EXD2: variants seen among roughly 807,000 people sequenced by gnomAD.
The protein encoded by EXD2 is exonuclease 3'-5' domain-containing protein 2.
Under a neutral mutation model 62.5 loss-of-function variants are expected in EXD2, and 40 were observed. The ratio of observed to expected loss-of-function variants is 0.64; its 90% CI spans 0.50 to 0.83. The LOEUF (loss-of-function observed/expected upper bound fraction) is 0.83. EXD2 is among the 40% of genes least tolerant of loss of function. The pLI is 0.00. For missense variants in EXD2, 671 were observed against 761.8 expected (o/e 0.88, Z 1.40); for synonymous variants, 239 against 291.9 (o/e 0.82, Z 1.85).
chr14:69,236,347 T>G (rs991957979), intron 7 of EXD2, 60 bp from the exon 8 acceptor site: 29 of 1,612,576 alleles, frequency 1.8e-5, no homozygotes, highest in African/African-American at 2.7e-5. Context: ...TAGTGCTGCT[T>G]CTTGGGTGTG....
At chr14:69,210,886 CATTA>C (rs1224211614) in intron 3 of EXD2, among the ~76,000 whole-genome samples, 1 of 152,142 alleles carries the variant, frequency 6.6e-6, no homozygotes, top group Non-Finnish European at 1.5e-5. Context: ...TTAAAAAGTA[CATTA>C]ATTAGTTTAT....
chr14:69,222,649 GC>G (rs1270611820), intron 3 of EXD2, among the ~76,000 whole-genome samples: 2 of 152,128 alleles, frequency 1.3e-5, no homozygotes, highest in African/African-American at 4.8e-5. Flanking sequence ...AAACTGAGAT[GC>G]CTACAAGAGT....
chr14:69,215,982 A>C (rs2042976748), intron 3 of EXD2, among the ~76,000 whole-genome samples: 1 of 152,190 alleles, frequency 6.6e-6, no homozygotes, highest in Non-Finnish European at 1.5e-5. Flanking sequence ...TAAACAGAAG[A>C]TCTGTGTAGT....
At chr14:69,213,594 C>T (rs1179737205) in intron 3 of EXD2, among the ~76,000 whole-genome samples, 2 of 124,352 alleles carry the variant, frequency 1.6e-5, no homozygotes, top group Non-Finnish European at 3.2e-5. Flanking sequence ...CCTGGCTGGT[C>T]TTCAACTCCT....
At chr14:69,209,312 G>A (rs548616951) in intron 2 of EXD2, 112 bp from the exon 3 acceptor site, 17 of 506,064 alleles carry the variant, frequency 3.4e-5, no homozygotes, top group Non-Finnish European at 4.4e-5. Flanking sequence ...TATAGCAGTT[G>A]TTTTAGTTTG....
At chr14:69,229,857 T>C (rs1442052603) in intron 4 of EXD2, among the ~76,000 whole-genome samples, 1 of 152,238 alleles carries the variant, frequency 6.6e-6, no homozygotes, top group Non-Finnish European at 1.5e-5. Context: ...GAAGGCCTGA[T>C]TAAAATCTGT....
At chr14:69,205,513 G>T (rs1012051922) in intron 2 of EXD2, among the ~76,000 whole-genome samples, 4 of 151,818 alleles carry the variant, frequency 2.6e-5, no homozygotes, top group Non-Finnish European at 5.9e-5. Flanking sequence ...TTCATATCTA[G>T]AATGTATATA....
At chr14:69,203,059 T>G (rs190436855) in intron 1 of EXD2, among the ~76,000 whole-genome samples, 55 of 152,046 alleles carry the variant, frequency 3.6e-4, no homozygotes, top group Admixed American at 2.7e-3. Context: ...GTCTCAAGTT[T>G]GTTTGTTTGT....
At chr14:69,205,354 G>A (rs1331477203) in intron 2 of EXD2, among the ~76,000 whole-genome samples, 1 of 152,064 alleles carries the variant, frequency 6.6e-6, no homozygotes, top group Non-Finnish European at 1.5e-5. Flanking sequence ...CTTCGCCTCA[G>A]TATGTTTTCT....
chr14:69,202,362 G>A (rs112337465), intron 1 of EXD2, among the ~76,000 whole-genome samples: 442 of 152,226 alleles, frequency 2.9e-3, no homozygotes, highest in Non-Finnish European at 4.3e-3. Context: ...GGGTGACAAA[G>A]TGAGGCCCTG....
chr14:69,202,614 G>A (rs999544595), intron 1 of EXD2, among the ~76,000 whole-genome samples: 11 of 151,942 alleles, frequency 7.2e-5, no homozygotes, highest in Admixed American at 6.6e-4. Flanking sequence ...AAAGTTTGCT[G>A]AATGAATCCC....
At chr14:69,239,976 T>C (rs2043927069) in intron 9 of EXD2, among the ~76,000 whole-genome samples, 2 of 152,198 alleles carry the variant, frequency 1.3e-5, no homozygotes, top group Non-Finnish European at 2.9e-5. Flanking sequence ...TCTTGCTGAA[T>C]TGGGTAGATG....
At chr14:69,198,122 T>A (rs1209842435) in intron 1 of EXD2, among the ~76,000 whole-genome samples, 4 of 152,226 alleles carry the variant, frequency 2.6e-5, no homozygotes, top group East Asian at 3.8e-4. Context: ...GTGGTTTTTT[T>A]ATGTAGTTTT....
At chr14:69,204,673 C>A (rs1304032745) in intron 2 of EXD2, among the ~76,000 whole-genome samples, 1 of 152,030 alleles carries the variant, frequency 6.6e-6, no homozygotes, top group Admixed American at 6.6e-5. Context: ...TAAACTGTTA[C>A]CACAGTTTAA....
chr14:69,224,973 C>CA (rs935037310), intron 3 of EXD2, among the ~76,000 whole-genome samples: 29 of 151,124 alleles, frequency 1.9e-4, no homozygotes, highest in African/African-American at 4.6e-4. Flanking sequence ...GACTCCGTCT[C>CA]AAAAAAAAAG....
intron 2 of EXD2, among the ~76,000 whole-genome samples, chr14:69,204,971 CA>C (rs2042537831): frequency 6.6e-6 from 1 of 152,114 alleles, no homozygotes; most frequent in Non-Finnish European, 1.5e-5. Flanking sequence ...ATGAATGAAC[CA>C]ACAGTCACAC....
At chr14:69,212,121 A>T (rs1225008694) in intron 3 of EXD2, among the ~76,000 whole-genome samples, 1 of 152,224 alleles carries the variant, frequency 6.6e-6, no homozygotes, top group Non-Finnish European at 1.5e-5. Flanking sequence ...CACGCCTGTA[A>T]TCCTAGCACT....
intron 3 of EXD2, 125 bp downstream of exon 3, chr14:69,209,928 C>T (rs2042751189): frequency 1.3e-6 from 1 of 769,372 alleles, no homozygotes; most frequent in Non-Finnish European, 1.9e-6. Context: ...TCTCAACTTG[C>T]TTATAAGCAG....
rs35371795 is a variant in EXD2, at chr14:69,230,505, G to C, written c.624G>C (p.Lys208Asn). ...NNLLCNGLSL[K>N]SLAETVLNFP... The stretch of plus-strand genomic sequence containing the variant: ...TGCTCTGTAATGGGCTTAGCCTGAA[G>C]TCCCTCGCTGAGACTGTTTTGAACT... The change falls in exon 5 of 10, where the codon AAG becomes AAC. Residue 208 changes from lysine (K) to asparagine (N), a missense_variant. Coordinates refer to ENST00000685843, the MANE Select transcript of EXD2 (RefSeq NM_001193360.2). 6.2e-7 allele frequency: 1 copy of C among 1,613,508 alleles called. No individual in the cohort carries two copies. The highest frequency in any genetic ancestry group is 1.1e-5 in the South Asian group (1 of 91,022).
Sources: allele counts gnomAD v4.1 joint callset (sites outside exome capture counted in the v4.1 genomes callset), GRCh38; gene constraint gnomAD v4.1.1; transcripts MANE v1.5; gene names NCBI Gene and HGNC (gene_info 2026-07-23, HGNC 2026-07-21).